The following LMO4 variants were observed in gnomAD, a reference collection of about 807,000 sequenced individuals.
LMO4 encodes the protein LIM domain only 4.
LMO4 carries 3 observed loss-of-function variants against 18.5 expected under a neutral mutation model. The ratio of observed to expected loss-of-function variants is 0.16; its 90% CI spans 0.07 to 0.42. LMO4 has a LOEUF of 0.42. Among genes scored for constraint, LMO4 ranks in the 10% least tolerant of loss-of-function variants. The pLI is 0.99. For synonymous variants in LMO4, 100 were observed against 88.1 expected, an observed-to-expected ratio of 1.14 and a Z score of -0.76; for missense variants, 121 against 219.9, an observed-to-expected ratio of 0.55 and a Z score of 2.84.
Position 87,348,852 on chromosome 1 carries a change from A to G in LMO4, c.*4056A>G, listed in dbSNP as rs1158770088. ...CCAATAATGTACTACAGGCCCTGAC[A>G]TGTTACAGCTGTGTAAACAGGGCCA... is the stretch of plus-strand genomic sequence containing the variant. On this transcript the variant is annotated 3_prime_UTR_variant, in exon 5 of 5. Transcript: ENST00000370544. 4.3e-6 allele frequency: 2 copies of G among 468,150 alleles called. No individual in the cohort carries two copies. The highest frequency in any genetic ancestry group is 8.6e-6 in the Non-Finnish European group (2 of 232,910). 29.0% of individuals were successfully genotyped at this position (468,150 alleles called of 1,614,324 possible). A position where few individuals can be genotyped will look rare whatever the true frequency, so the allele number is the denominator to read the frequency against.
At position 87,335,534 on chromosome 1, in the gene LMO4, G is replaced by A. The variant is rs910209938; in HGVS notation, c.236+3283G>A. Among the ~76,000 whole-genome samples the A allele has an allele frequency of 2.6e-5, 4 of 152,026 alleles. No individual in the cohort carries two copies. The East Asian group carries it at 7.7e-4, about 29-fold the overall frequency. ...CCCGGGCTCCACTCGGGCGGTTCAC[G>A]TGGCGCCCGCAGCCGCAGTGAGCCC... On this transcript the variant is annotated intron_variant, in intron 2 of 4. Transcript: ENST00000370544.
At chr1:87,332,337 C>G (rs779807097) in intron 2 of LMO4, 86 bp downstream of exon 2, 1 of 1,011,278 alleles carries the variant, frequency 9.9e-7, no homozygotes, top group Non-Finnish European at 1.5e-6. Context: ...AAGGAGTAGG[C>G]GTCTACGGGG....
At chr1:87,330,742 A>G (rs1216288843) in intron 1 of LMO4, among the ~76,000 whole-genome samples, 1 of 152,078 alleles carries the variant, frequency 6.6e-6, no homozygotes, top group Non-Finnish European at 1.5e-5. Flanking sequence ...CCTCAGGGGG[A>G]GCCCACACTC....
chr1:87,342,422 C>A (rs1317670104), intron 4 of LMO4, among the ~76,000 whole-genome samples: 1 of 152,078 alleles, frequency 6.6e-6, no homozygotes. Flanking sequence ...AATCTGTTTT[C>A]CACACCTTTT....
chr1:87,339,344 C>T (rs1194510326), intron 2 of LMO4, among the ~76,000 whole-genome samples, 192 bp from the exon 3 acceptor site: 1 of 151,996 alleles, frequency 6.6e-6, no homozygotes, highest in Non-Finnish European at 1.5e-5. Flanking sequence ...CTGCGGTAGG[C>T]AGAAGTTTGT....
rs896446382 is a variant in LMO4 at position 87,348,313 on chromosome 1, A to G, written c.*3517A>G. 2 of 210,060 alleles carry G rather than the reference A, an allele frequency of 9.5e-6. No individual in the cohort carries two copies. Among genetic ancestry groups the G allele is most frequent in the Non-Finnish European group, 2.0e-5 (2 of 101,064 alleles). The allele number at this position is 210,060 out of a possible 1,614,324, so 13.0% of individuals were successfully genotyped here. ...TTCTATCCTGGGTGCTGTCCCACCTATGACCCCTTCAAGAGGCCATTGGAA... is the reference window on the plus strand; with the variant it reads ...TTCTATCCTGGGTGCTGTCCCACCTGTGACCCCTTCAAGAGGCCATTGGAA... On this transcript the variant is annotated 3_prime_UTR_variant, in exon 5 of 5. Transcript: ENST00000370544.
chr1:87,332,354 C>T lies in LMO4; in HGVS notation c.236+103C>T, dbSNP rs1192778555. The T allele has an allele frequency of 2.6e-5, 21 of 801,658 alleles. No individual in the cohort carries two copies. The South Asian group carries it at 3.7e-4, about 14-fold the overall frequency. The allele number at this position is 801,658 out of a possible 1,614,324, so 49.7% of individuals were successfully genotyped here. On this transcript the variant is annotated intron_variant, in intron 2 of 4. Transcript: ENST00000370544. ...GGAGTAGGCGTCTACGGGGAGTATG[C>T]AGCCTTCACCTCAAAAATCTTCTAG...
At chr1:87,331,197 A>G (rs1053444263) in intron 1 of LMO4, 4 of 151,940 alleles carry the variant, frequency 2.6e-5, no homozygotes, top group African/African-American at 9.7e-5. Context: ...TCAATGATCT[A>G]TTATTCTTGC....
rs1650626464 is a variant in LMO4 at position 87,346,339 on chromosome 1, G to A, written c.*1543G>A. ...CCTCCGGAAAGCATGCAGTATAACA[G>A]CTAGTGCTGGAAGGAGGAAAACCAA... is the stretch of plus-strand genomic sequence containing the variant. On this transcript the variant is annotated 3_prime_UTR_variant, in exon 5 of 5. Transcript: ENST00000370544. The A allele has an allele frequency of 6.6e-6, 1 of 152,242 alleles. No homozygotes were observed. The highest frequency in any genetic ancestry group is 6.5e-5 in the Admixed American group (1 of 15,280). 9.4% of individuals were successfully genotyped at this position (152,242 alleles called of 1,614,324 possible).
intron 1 of LMO4, among the ~76,000 whole-genome samples, chr1:87,329,607 G>A (rs991054876): frequency 2.1e-4 from 32 of 151,008 alleles, no homozygotes; most frequent in Admixed American, 4.0e-4. Context: ...GGGGGGTGGG[G>A]GTGGGGATAG....
chr1:87,344,222 A>G (rs954266806), intron 4 of LMO4, among the ~76,000 whole-genome samples: 2 of 152,228 alleles, frequency 1.3e-5, no homozygotes, highest in Admixed American at 1.3e-4. Flanking sequence ...AATAATAATG[A>G]TAACTGCCAG....
chr1:87,346,678 C>T lies in LMO4; in HGVS notation c.*1882C>T, dbSNP rs1478090110. 1.3e-5 allele frequency: 2 copies of T among 152,060 alleles called. No individual in the cohort carries two copies. The highest frequency in any genetic ancestry group is 4.8e-5 in the African/African-American group (2 of 41,378). 9.4% of individuals were successfully genotyped at this position (152,060 alleles called of 1,614,324 possible). ...CAGGGGAAAAAAAAAATCAGTTGAA[C>T]TTCAAACCTCCTAGAGGAGATTGTA... On this transcript the variant is annotated 3_prime_UTR_variant, in exon 5 of 5. Coordinates refer to ENST00000370544, the MANE Select transcript of LMO4 (RefSeq NM_006769.4).
intron 1 of LMO4, among the ~76,000 whole-genome samples, chr1:87,329,631 C>A (rs777507524): frequency 6.6e-6 from 1 of 152,082 alleles, no homozygotes; most frequent in Non-Finnish European, 1.5e-5. Context: ...CGATACCCCC[C>A]CTCCCTTCTA....
rs769441431 is a variant in LMO4 at position 87,332,237 on chromosome 1, A to G, written c.222A>G (p.Arg74=). 6.2e-7 allele frequency: 1 copy of G among 1,613,522 alleles called. No individual in the cohort carries two copies. Among genetic ancestry groups the G allele is most frequent in the Admixed American group, 1.7e-5 (1 of 60,028 alleles). The stretch of plus-strand genomic sequence containing the variant: ...CCAAAAGTGGCATGATCCTTTGCAG[A>G]AATGACTACATTAGGTAAGACTTTG... ...CYTKSGMILC[R]NDYIRLFGNS... The change falls in exon 2 of 5, where the codon AGA becomes AGG. Residue 74 remains arginine, a synonymous_variant. Coordinates refer to ENST00000370544, the MANE Select transcript of LMO4 (RefSeq NM_006769.4).
chr1:87,331,732 A>C (rs763239051), intron 1 of LMO4: 5 of 456,072 alleles, frequency 1.1e-5, no homozygotes, highest in Non-Finnish European at 1.9e-5. Context: ...GAGTTTTGAC[A>C]GTACCGGAGC....
At chr1:87,329,568 G>A (rs1254861261) in intron 1 of LMO4, among the ~76,000 whole-genome samples, 1 of 120,120 alleles carries the variant, frequency 8.3e-6, no homozygotes, top group African/African-American at 3.1e-5. Flanking sequence ...CTTAGATGAG[G>A]ATTTTAAGTA....
chr1:87,344,691 AT>A, intron 4 of LMO4, 96 bp from the exon 5 acceptor site: 1 of 1,188,032 alleles, frequency 8.4e-7, no homozygotes, highest in African/African-American at 1.5e-5. Flanking sequence ...ATAAAAGAAG[AT>A]TAGTGAATGT....
chr1:87,331,736 C>G (rs1650154868), intron 1 of LMO4: 1 of 491,946 alleles, frequency 2.0e-6, no homozygotes, highest in Non-Finnish European at 3.6e-6. Flanking sequence ...TTTGACAGTA[C>G]CGGAGCTGAA....
chr1:87,332,582 C>T lies in LMO4; in HGVS notation c.236+331C>T, dbSNP rs116044893. ...TCAGGCTAAAAGCAAACATCCCAAGCGGGAGTTAAGCTGCGTTCTTAAAAC... is the reference window on the plus strand; with the variant it reads ...TCAGGCTAAAAGCAAACATCCCAAGTGGGAGTTAAGCTGCGTTCTTAAAAC... On this transcript the variant is annotated intron_variant, in intron 2 of 4. Transcript: ENST00000370544. Among the ~76,000 whole-genome samples the T allele has an allele frequency of 3.9e-3, 599 of 152,264 alleles. 3 individuals are homozygous for T. The highest frequency in any genetic ancestry group is 4.8e-3 in the Non-Finnish European group (328 of 68,024).
Sources: gnomAD v4.1 joint callset for allele counts (sites outside exome capture counted in the v4.1 genomes callset) on GRCh38, gnomAD v4.1.1 for gene constraint, MANE v1.5 for transcripts, NCBI Gene and HGNC (gene_info 2026-07-23, HGNC 2026-07-21) for gene names.